TNFRSF13B: variants seen among roughly 807,000 people sequenced by gnomAD.
The protein encoded by TNFRSF13B is TNF receptor superfamily member 13B, also known as tumor necrosis factor receptor superfamily member 13B.
In TNFRSF13B, 34 loss-of-function variants were observed where a neutral mutation model predicts 24.0. The observed-to-expected ratio is 1.41, with a 90% CI of 1.08 to 1.88. TNFRSF13B has a LOEUF of 1.88. TNFRSF13B is among the 40% of genes most tolerant of loss of function. The probability of loss-of-function intolerance (pLI) is 0.00; values close to 1 mark genes in which losing one functional copy is unlikely to be tolerated. For synonymous variants in TNFRSF13B, 173 were observed against 150.3 expected (o/e 1.15, Z -1.10); for missense variants, 415 against 380.8 (o/e 1.09, Z -0.75).
chr17:16,954,427 C>T (rs1329635338), intron 1 of TNFRSF13B, among the ~76,000 whole-genome samples: 4 of 152,128 alleles, frequency 2.6e-5, no homozygotes, highest in South Asian at 2.1e-4. Context: ...TCATTTAACA[C>T]GGCAGCTTAA....
At chr17:16,963,288 C>G (rs556405921) in intron 1 of TNFRSF13B, among the ~76,000 whole-genome samples, 4 of 152,304 alleles carry the variant, frequency 2.6e-5, no homozygotes, top group South Asian at 4.1e-4. Flanking sequence ...CTGTGCTGGA[C>G]AAGGCCTACA....
intron 2 of TNFRSF13B, among the ~76,000 whole-genome samples, chr17:16,950,667 CCTGTTGCAGGTGGTG>C (rs552839393): frequency 4.7e-4 from 72 of 152,254 alleles, no homozygotes; most frequent in Admixed American, 1.2e-3. Flanking sequence ...GACCTCCTCC[CCTGTTGCAGGTGGTG>C]CTGTTGCAGG....
chr17:16,953,536 C>A (rs1597663528), intron 1 of TNFRSF13B, among the ~76,000 whole-genome samples: 1 of 152,296 alleles, frequency 6.6e-6, no homozygotes, highest in African/African-American at 2.4e-5. Context: ...TCTGTTGTTA[C>A]CCTCATAGGC....
intron 4 of TNFRSF13B, 35 bp downstream of exon 4, chr17:16,940,291 C>T (rs981386565): frequency 9.9e-6 from 16 of 1,611,926 alleles, no homozygotes; most frequent in East Asian, 2.2e-5. Context: ...ACCCAAGCAG[C>T]GAGAAGGGCG....
At chr17:16,971,841 G>T (rs972062020) in intron 1 of TNFRSF13B, among the ~76,000 whole-genome samples, 174 bp downstream of exon 1, 2 of 152,130 alleles carry the variant, frequency 1.3e-5, no homozygotes, top group Non-Finnish European at 2.9e-5. Context: ...CATCCCAGAG[G>T]CATCCAGACT....
chr17:16,959,884 A>G (rs1032407410), intron 1 of TNFRSF13B, among the ~76,000 whole-genome samples: 1 of 152,102 alleles, frequency 6.6e-6, no homozygotes, highest in Non-Finnish European at 1.5e-5. Context: ...TTCTACCAAA[A>G]CATTTAAAAA....
At chr17:16,945,823 C>G (rs1265529135) in intron 3 of TNFRSF13B, among the ~76,000 whole-genome samples, 2 of 152,222 alleles carry the variant, frequency 1.3e-5, no homozygotes, top group Admixed American at 1.3e-4. Context: ...CTTGCTCCTT[C>G]CACCAAGAGG....
intron 3 of TNFRSF13B, among the ~76,000 whole-genome samples, chr17:16,945,004 G>T (rs1341564647): frequency 6.6e-6 from 1 of 152,156 alleles, no homozygotes; most frequent in Non-Finnish European, 1.5e-5. Context: ...TCCACAGCAA[G>T]CTCCCCTCCT....
intron 3 of TNFRSF13B, among the ~76,000 whole-genome samples, chr17:16,944,829 G>T (rs560441193): frequency 6.6e-6 from 1 of 152,118 alleles, no homozygotes; most frequent in African/African-American, 2.4e-5. Context: ...GACAGGGAAC[G>T]GCAGAATTCA....
intron 3 of TNFRSF13B, chr17:16,941,198 C>A: frequency 1.0e-6 from 1 of 982,306 alleles, no homozygotes; most frequent in Non-Finnish European, 1.2e-6. Context: ...TGAGTATTTT[C>A]CAGCTGCTGT....
Position 16,972,062 on chromosome 17 carries a change from C to T in TNFRSF13B, c.14G>A (p.Gly5Asp). 11 of 1,614,034 alleles carry T rather than the reference C, an allele frequency of 6.8e-6. No homozygotes were observed. Among genetic ancestry groups the T allele is most frequent in the Non-Finnish European group, 9.3e-6 (11 of 1,180,034 alleles). The change falls in exon 1 of 5, where the codon GGC (glycine) becomes GAC (aspartate). Residue 5 changes from glycine to aspartate, a missense_variant. Coordinates refer to ENST00000261652, the MANE Select transcript of TNFRSF13B (RefSeq NM_012452.3). The part of the protein sequence containing the change: MSGL[G>D]RSRRGGRSRV... ...GCTCCGGCCACCTCGCCTGCTCCGG[C>T]CCAGGCCACTCATTACTCAGGATGC...
chr17:16,952,313 T>C, intron 2 of TNFRSF13B, 133 bp downstream of exon 2: 1 of 1,294,528 alleles, frequency 7.7e-7, no homozygotes, highest in South Asian at 1.3e-5. Flanking sequence ...GGTGGAGGGG[T>C]AAGAGGTGCC....
chr17:16,940,780 A>G, intron 3 of TNFRSF13B: 1 of 1,388,266 alleles, frequency 7.2e-7, no homozygotes, highest in Non-Finnish European at 9.3e-7. Context: ...CTAGGGCTGT[A>G]ATTGGGACAG....
At chr17:16,941,549 C>A (rs11654431) in intron 3 of TNFRSF13B, 250,355 of 987,226 alleles carry the variant, frequency 0.25, 32,391 homozygotes, top group Admixed American at 0.28. Context: ...TCGTGCCGGG[C>A]ACTTCCCCTA....
intron 1 of TNFRSF13B, among the ~76,000 whole-genome samples, chr17:16,964,484 A>G (rs2087685992): frequency 6.6e-6 from 1 of 151,312 alleles, no homozygotes. Context: ...CTGGGATTAC[A>G]GGTGTGTGCC....
chr17:16,944,084 C>T (rs1322514890), intron 3 of TNFRSF13B, among the ~76,000 whole-genome samples: 5 of 152,160 alleles, frequency 3.3e-5, no homozygotes, highest in African/African-American at 4.8e-5. Context: ...GCATGTGGAG[C>T]GGTCAGTCTC....
At chr17:16,947,105 T>C (rs983572792) in intron 3 of TNFRSF13B, among the ~76,000 whole-genome samples, 2 of 152,144 alleles carry the variant, frequency 1.3e-5, no homozygotes, top group African/African-American at 4.8e-5. Flanking sequence ...CTTTAACTCA[T>C]TCTGGAAAGC....
chr17:16,948,997 A>G lies in TNFRSF13B; in HGVS notation c.200-14T>C, dbSNP rs2087569949. On this transcript the variant is annotated splice_polypyrimidine_tract_variant and intron_variant, in intron 2 of 4. Transcript: ENST00000261652. ...AGCTGAGTGACCCTGGGAGAGAGAA[A>G]TTCATGATACTGCTGGGTGACACAG... 1.2e-6 allele frequency: 2 copies of G among 1,613,956 alleles called. No homozygotes were observed. Among genetic ancestry groups the G allele is most frequent in the Middle Eastern group, 1.6e-4 (1 of 6,062 alleles).
At chr17:16,940,124 A>T in intron 4 of TNFRSF13B, 1 of 1,380,912 alleles carries the variant, frequency 7.2e-7, no homozygotes, top group East Asian at 2.5e-5. Context: ...GGCACCCCAC[A>T]CCCACCCTTC....
Sources: allele counts gnomAD v4.1 joint callset (sites outside exome capture counted in the v4.1 genomes callset), GRCh38; gene constraint gnomAD v4.1.1; transcripts MANE v1.5; gene names NCBI Gene and HGNC (gene_info 2026-07-23, HGNC 2026-07-21).